The following PLXNC1 variants were observed in gnomAD, a reference collection of about 807,000 sequenced individuals.
The protein encoded by PLXNC1 is plexin C1, also known as plexin-C1.
In PLXNC1, 75 loss-of-function variants were observed where a neutral mutation model predicts 178.2. That is an observed-to-expected ratio of 0.42 (90% CI 0.35 to 0.51). PLXNC1 has a LOEUF of 0.51. Among genes scored for constraint, PLXNC1 ranks in the 20% least tolerant of loss-of-function variants. PLXNC1 has a pLI of 0.02. For missense variants in PLXNC1, 1,503 were observed against 1,984.4 expected (o/e 0.76, Z 4.61); for synonymous variants, 790 against 779.9 (o/e 1.01, Z -0.22).
chr12:94,206,468 A>G (rs1031276674), intron 4 of PLXNC1, among the ~76,000 whole-genome samples: 11 of 148,462 alleles, frequency 7.4e-5, no homozygotes. Flanking sequence ...AGTCTTTTTA[A>G]ATTAACTTTT....
chr12:94,217,370 C>T (rs1175747916), intron 5 of PLXNC1, among the ~76,000 whole-genome samples: 1 of 152,182 alleles, frequency 6.6e-6, no homozygotes, highest in Non-Finnish European at 1.5e-5. Flanking sequence ...TCTCTTCTTA[C>T]TCTACATTTC....
intron 1 of PLXNC1, among the ~76,000 whole-genome samples, chr12:94,164,692 C>CACACGT: frequency 6.7e-6 from 1 of 149,648 alleles, no homozygotes; most frequent in East Asian, 1.9e-4. Flanking sequence ...CACACACACA[C>CACACGT]ACACACACAC....
In PLXNC1 at chr12:94,236,844, G is replaced by C. The variant is rs149789449; in HGVS notation, c.1981-820G>C. Among the ~76,000 whole-genome samples the C allele has an allele frequency of 7.4e-3, 1,128 of 152,264 alleles. 8 individuals are homozygous for C. The highest frequency in any genetic ancestry group is 0.01 in the Non-Finnish European group (710 of 68,002). Reference sequence around the variant, plus strand: ...AGACAGTAGCATCTGTAACATAAAAGTGAAAGAACTCAGGATTGTTTTATC... The same window carrying C: ...AGACAGTAGCATCTGTAACATAAAACTGAAAGAACTCAGGATTGTTTTATC... On this transcript the variant is annotated intron_variant, in intron 9 of 30. Transcript: ENST00000258526.
At chr12:94,190,275 C>T (rs1263249244) in intron 4 of PLXNC1, among the ~76,000 whole-genome samples, 1 of 152,156 alleles carries the variant, frequency 6.6e-6, no homozygotes, top group Non-Finnish European at 1.5e-5. Context: ...AGGGTCTCAT[C>T]CTGTCACCCA....
chr12:94,224,614 A>G (rs1565818296), intron 7 of PLXNC1, among the ~76,000 whole-genome samples: 1 of 152,258 alleles, frequency 6.6e-6, no homozygotes, highest in East Asian at 1.9e-4. Flanking sequence ...AGTAAAGAAG[A>G]AGGGACAAGC....
intron 1 of PLXNC1, among the ~76,000 whole-genome samples, chr12:94,157,711 C>T (rs1592717919): frequency 6.6e-6 from 1 of 152,294 alleles, no homozygotes; most frequent in South Asian, 2.1e-4. Flanking sequence ...CATCCCACCA[C>T]CCTGGTCAAT....
chr12:94,264,963 T>C (rs1207611518), intron 20 of PLXNC1, 116 bp from the exon 21 acceptor site: 1 of 1,038,606 alleles, frequency 9.6e-7, no homozygotes, highest in Non-Finnish European at 1.4e-6. Flanking sequence ...GCGTTTCATG[T>C]TGAGTGTTAG....
At chr12:94,251,581 C>T (rs145872101) in intron 15 of PLXNC1, 53 bp downstream of exon 15, 88 of 1,156,336 alleles carry the variant, frequency 7.6e-5, no homozygotes, top group African/African-American at 7.1e-4. Flanking sequence ...GGCCTCTCGC[C>T]GGGCAGGCAG....
At chr12:94,184,129 T>A (rs1962424499) in intron 3 of PLXNC1, among the ~76,000 whole-genome samples, 1 of 149,528 alleles carries the variant, frequency 6.7e-6, no homozygotes, top group Non-Finnish European at 1.5e-5. Context: ...CTCTCTCTTT[T>A]TTTTTTTTAT....
In PLXNC1 at chr12:94,264,646, T is replaced by C. The variant is rs563893949; in HGVS notation, c.3451-433T>C. 9.8e-5 allele frequency among the ~76,000 whole-genome samples: 15 copies of C among 152,386 alleles called. No homozygotes were observed. In the East Asian group the frequency reaches 1.9e-3, roughly 20 times the overall value. ...TAAAATGTTCTTACATTTATCCTTG[T>C]TACTAAGGATACTTGTGCATTTTTT... On this transcript the variant is annotated intron_variant, in intron 20 of 30. Coordinates refer to ENST00000258526, the MANE Select transcript of PLXNC1 (RefSeq NM_005761.3).
At chr12:94,305,131 T>C in intron 30 of PLXNC1, 50 bp from the exon 31 acceptor site, 1 of 1,205,526 alleles carries the variant, frequency 8.3e-7, no homozygotes, top group Non-Finnish European at 1.2e-6. Flanking sequence ...AAAACAGAAT[T>C]GTAACGCTAA....
chr12:94,281,696 T>C (rs1455735042), intron 22 of PLXNC1: 1 of 152,348 alleles, frequency 6.6e-6, no homozygotes, highest in Admixed American at 6.5e-5. Context: ...ATTGGGATTA[T>C]AGGTCTGAGC....
At chr12:94,173,730 T>C (rs1344895549) in intron 2 of PLXNC1, among the ~76,000 whole-genome samples, 1 of 152,230 alleles carries the variant, frequency 6.6e-6, no homozygotes, top group Non-Finnish European at 1.5e-5. Context: ...GTTTTTGTTA[T>C]ATTTCTTTCT....
intron 2 of PLXNC1, among the ~76,000 whole-genome samples, chr12:94,178,802 G>A (rs1206188271): frequency 1.3e-5 from 2 of 152,110 alleles, no homozygotes; most frequent in Admixed American, 6.5e-5. Flanking sequence ...TGTGGCTAGC[G>A]GCTGTCATAT....
intron 11 of PLXNC1, among the ~76,000 whole-genome samples, chr12:94,241,587 C>A (rs1269727730): frequency 6.6e-6 from 1 of 152,190 alleles, no homozygotes; most frequent in African/African-American, 2.4e-5. Flanking sequence ...TTTCTCAGCT[C>A]CCACATATGG....
intron 4 of PLXNC1, among the ~76,000 whole-genome samples, chr12:94,195,235 C>T (rs765659792): frequency 3.3e-5 from 5 of 152,132 alleles, no homozygotes; most frequent in East Asian, 1.9e-4. Flanking sequence ...AGATGAACCA[C>T]GTTAATCCAA....
chr12:94,168,344 C>T (rs1961704842), intron 1 of PLXNC1: 1 of 152,240 alleles, frequency 6.6e-6, no homozygotes, highest in South Asian at 2.1e-4. Context: ...GCACGAAGCA[C>T]TTCATTCCTT....
In PLXNC1 at chr12:94,303,747, TTTC is replaced by T; in HGVS notation, c.4387-8_4387-6del. 4 of 1,410,778 alleles carry T rather than the reference TTTC, an allele frequency of 2.8e-6. No homozygotes were observed. The highest frequency in any genetic ancestry group is 3.7e-6 in the Non-Finnish European group (4 of 1,076,076). 87.4% of individuals were successfully genotyped at this position (1,410,778 alleles called of 1,614,324 possible). A position where few individuals can be genotyped will look rare whatever the true frequency, so the allele number is the denominator to read the frequency against. ...GTGATGGTTGCTTTTTTTTTTTTTT[TTTC>T]CCCAGGAAGCACCAACTAATAAGCT... On this transcript the variant is annotated splice_polypyrimidine_tract_variant and splice_region_variant and intron_variant, in intron 28 of 30. Transcript: ENST00000258526.
chr12:94,291,192 G>A (rs921845986), intron 23 of PLXNC1, among the ~76,000 whole-genome samples: 1 of 152,214 alleles, frequency 6.6e-6, no homozygotes, highest in Admixed American at 6.5e-5. Context: ...GCCTGCCTTT[G>A]TCAAATGTAT....
Sources: allele counts gnomAD v4.1 joint callset (sites outside exome capture counted in the v4.1 genomes callset), GRCh38; gene constraint gnomAD v4.1.1; transcripts MANE v1.5; gene names NCBI Gene and HGNC (gene_info 2026-07-23, HGNC 2026-07-21).